Variants in PMM2 observed in about 807,000 individuals in gnomAD.
PMM2 encodes the protein mannose-6-phosphate isomerase.
Under a neutral mutation model 33.2 loss-of-function variants are expected in PMM2, and 35 were observed. That is an observed-to-expected ratio of 1.06 (90% CI 0.81 to 1.40). The LOEUF (loss-of-function observed/expected upper bound fraction) is 1.40. Ranked by LOEUF, PMM2 falls within the 40% of genes most tolerant of loss-of-function variation. The pLI, the probability that PMM2 is intolerant of heterozygous loss-of-function variation, is 0.00. For synonymous variants in PMM2, 153 were observed against 114.7 expected, an observed-to-expected ratio of 1.33 and a Z score of -2.13; for missense variants, 386 against 306.0, an observed-to-expected ratio of 1.26 and a Z score of -1.95.
chr16:8,804,021 G>GTTTTTTT (rs113764347), intron 2 of PMM2, among the ~76,000 whole-genome samples: 5 of 72,560 alleles, frequency 6.9e-5, no homozygotes, highest in African/African-American at 2.4e-4. Flanking sequence ...TTGTTTTTTG[G>GTTTTTTT]GTTTTTTTTG....
chr16:8,824,878 T>C (rs1208622861), intron 7 of PMM2, among the ~76,000 whole-genome samples: 7 of 152,192 alleles, frequency 4.6e-5, no homozygotes, highest in Admixed American at 2.6e-4. Context: ...TGAGGCCAAC[T>C]GAATCTTTCT....
At chr16:8,801,328 A>G (rs760506801) in intron 1 of PMM2, among the ~76,000 whole-genome samples, 1 of 152,228 alleles carries the variant, frequency 6.6e-6, no homozygotes, top group Non-Finnish European at 1.5e-5. Context: ...CCCCCCAGTT[A>G]CAACTAAAAT....
At chr16:8,833,611 C>G (rs951808652) in intron 7 of PMM2, among the ~76,000 whole-genome samples, 1 of 151,340 alleles carries the variant, frequency 6.6e-6, no homozygotes, top group Non-Finnish European at 1.5e-5. Flanking sequence ...GCGTGGGAAC[C>G]TAGAGTGGGA....
intron 7 of PMM2, among the ~76,000 whole-genome samples, chr16:8,819,200 G>A (rs2060723695): frequency 1.3e-5 from 2 of 152,230 alleles, no homozygotes; most frequent in South Asian, 4.1e-4. Context: ...CTCCTCAGGA[G>A]GCTGGCCACA....
intron 7 of PMM2, among the ~76,000 whole-genome samples, chr16:8,844,343 G>A (rs961333059): frequency 3.3e-5 from 5 of 152,216 alleles, no homozygotes; most frequent in African/African-American, 1.2e-4. Context: ...AAGGGGTTTG[G>A]GGGTTCTTAC....
intron 7 of PMM2, among the ~76,000 whole-genome samples, chr16:8,829,574 C>A (rs2060798200): frequency 6.6e-6 from 1 of 152,224 alleles, no homozygotes; most frequent in African/African-American, 2.4e-5. Flanking sequence ...CTTGGCAAGG[C>A]TCACACTTGC....
At position 8,824,883 on chromosome 16, in the gene PMM2, CTTTCT is replaced by C. The variant is rs377746713; in HGVS notation, c.639+11781_639+11785del. Among the ~76,000 whole-genome samples the C allele has an allele frequency of 4.0e-3, 607 of 152,302 alleles. 4 individuals are homozygous for C. Among genetic ancestry groups the C allele is most frequent in the African/African-American group, 0.014 (563 of 41,572 alleles). On this transcript the variant is annotated intron_variant, in intron 7 of 7. Transcript: ENST00000268261. ...GAAGATAGCATGAGGCCAACTGAAT[CTTTCT>C]TTTATTTTTTTTAATAGTTTACTCC... is the stretch of plus-strand genomic sequence containing the variant.
intron 7 of PMM2, among the ~76,000 whole-genome samples, chr16:8,826,077 T>C (rs1260714351): frequency 1.3e-5 from 2 of 152,232 alleles, no homozygotes; most frequent in African/African-American, 4.8e-5. Flanking sequence ...TTTTGATATA[T>C]GGGCCCAGAT....
Position 8,847,852 on chromosome 16 carries a change from G to T in PMM2, c.*27G>T, listed in dbSNP as rs781696207. ...GTGGGAGCGGGAGGGGCGGGGTCCC[G>T]GCTGACAAGCCAGCATAGGGCATTC... On this transcript the variant is annotated 3_prime_UTR_variant, in exon 8 of 8. Coordinates refer to ENST00000268261, the MANE Select transcript of PMM2 (RefSeq NM_000303.3). 3.2e-6 allele frequency: 5 copies of T among 1,560,176 alleles called. No homozygotes were observed. In the East Asian group the frequency reaches 9.0e-5, roughly 28 times the overall value.
At chr16:8,812,895 C>A (rs558413587) in intron 6 of PMM2, 96 bp from the exon 7 acceptor site, 17 of 789,418 alleles carry the variant, frequency 2.2e-5, no homozygotes, top group African/African-American at 1.5e-4. Flanking sequence ...CTTGGCAACC[C>A]ACTAACTGAC....
At chr16:8,823,617 G>A (rs575243000) in intron 7 of PMM2, among the ~76,000 whole-genome samples, 9 of 142,632 alleles carry the variant, frequency 6.3e-5, no homozygotes, top group South Asian at 4.2e-4. Context: ...TGGCTTTGCT[G>A]AAACTTTGTT....
chr16:8,841,415 C>T (rs1404613313), intron 7 of PMM2, among the ~76,000 whole-genome samples: 13 of 148,690 alleles, frequency 8.7e-5, no homozygotes, highest in African/African-American at 2.5e-4. Context: ...TTATCTGACT[C>T]GGGGCATGTT....
chr16:8,819,519 A>G (rs1318970028), intron 7 of PMM2, among the ~76,000 whole-genome samples: 2 of 152,158 alleles, frequency 1.3e-5, no homozygotes, highest in African/African-American at 2.4e-5. Flanking sequence ...TGTGCTATCT[A>G]TTGAAAAATA....
At chr16:8,833,616 G>A (rs1005882592) in intron 7 of PMM2, among the ~76,000 whole-genome samples, 2 of 151,762 alleles carry the variant, frequency 1.3e-5, no homozygotes, top group African/African-American at 2.4e-5. Flanking sequence ...GGAACCTAGA[G>A]TGGGAGAGAT....
Position 8,844,174 on chromosome 16 carries a change from G to T in PMM2, c.640-3550G>T, listed in dbSNP as rs11861383. Among the ~76,000 whole-genome samples the T allele has an allele frequency of 7.1e-3, 1,077 of 152,282 alleles. 12 individuals carry two copies. The highest frequency in any genetic ancestry group is 0.024 in the African/African-American group (1,015 of 41,546). On this transcript the variant is annotated intron_variant, in intron 7 of 7. Transcript: ENST00000268261. ...ATTGGGGTCAAGCGGCATTGCAGAA[G>T]AAAATAAGGCATTTATTTAGGTTTT... is the stretch of plus-strand genomic sequence containing the variant.
chr16:8,807,351 A>C (rs2060653425), intron 4 of PMM2, among the ~76,000 whole-genome samples: 1 of 152,042 alleles, frequency 6.6e-6, no homozygotes, highest in Non-Finnish European at 1.5e-5. Flanking sequence ...TCTGTTGGCA[A>C]ATCTGAGACC....
At chr16:8,828,576 C>T (rs538460641) in intron 7 of PMM2, among the ~76,000 whole-genome samples, 26 of 152,288 alleles carry the variant, frequency 1.7e-4, no homozygotes, top group Middle Eastern at 3.4e-3. Context: ...TTCATGCCCT[C>T]TGGATGCCGG....
chr16:8,806,128 G>A (rs2060646311), intron 3 of PMM2, among the ~76,000 whole-genome samples, 188 bp from the exon 4 acceptor site: 1 of 152,112 alleles, frequency 6.6e-6, no homozygotes, highest in Admixed American at 6.5e-5. Context: ...AAGCTTTTCT[G>A]GCTTGCCTAA....
At chr16:8,830,994 C>A (rs572407189) in intron 7 of PMM2, among the ~76,000 whole-genome samples, 4 of 152,314 alleles carry the variant, frequency 2.6e-5, no homozygotes, top group African/African-American at 9.6e-5. Context: ...CAAAAATTAG[C>A]CAGGTGTGGT....
Sources: allele counts gnomAD v4.1 joint callset (sites outside exome capture counted in the v4.1 genomes callset), GRCh38; gene constraint gnomAD v4.1.1; transcripts MANE v1.5; gene names NCBI Gene and HGNC (gene_info 2026-07-23, HGNC 2026-07-21).